The following HS6ST2 variants were observed in gnomAD, a reference collection of about 807,000 sequenced individuals.
The protein encoded by HS6ST2 is heparan sulfate 6-O-sulfotransferase 2, also known as heparan-sulfate 6-O-sulfotransferase 2.
In HS6ST2, 17 loss-of-function variants were observed where a neutral mutation model predicts 33.0. That is an observed-to-expected ratio of 0.52 (90% confidence interval 0.35 to 0.77). HS6ST2 has a LOEUF of 0.77. HS6ST2 is among the 30% of genes least tolerant of loss of function. The pLI is 0.01. For synonymous variants in HS6ST2, 248 were observed against 237.1 expected (o/e 1.05, Z -0.42); for missense variants, 519 against 551.7 (o/e 0.94, Z 0.59).
At chrX:132,753,144 G>A (rs1894563) in intron 2 of HS6ST2, among the ~76,000 whole-genome samples, 55,269 of 110,301 alleles carry the variant, frequency 0.5, 10,285 homozygotes, top group Middle Eastern at 0.57. Context: ...TGTTTCTGTG[G>A]CTTAGGCTTC....
intron 2 of HS6ST2, among the ~76,000 whole-genome samples, chrX:132,938,106 G>A (rs772472069): frequency 4.7e-5 from 5 of 106,087 alleles, no homozygotes; most frequent in South Asian, 4.4e-4. Flanking sequence ...AAGCTTCAGT[G>A]AGCCATGATC....
Position 132,958,309 on chromosome X carries a change from C to A in HS6ST2, c.294G>T (p.Met98Ile). 8.4e-7 allele frequency: 1 copy of A among 1,195,671 alleles called. No individual in the cohort carries two copies. The highest frequency in any genetic ancestry group is 1.1e-6 in the Non-Finnish European group (1 of 892,607). The change falls in exon 1 of 5, where the codon ATG becomes ATT. Residue 98 changes from methionine to isoleucine, a missense_variant. Met to Ile is a conservative substitution (Grantham distance 10). Transcript: ENST00000370833. Reference sequence around the variant, plus strand: ...GGTCCCAGCGTCGCCTGAGGACGTGCATCCGCCTGCGGCGGCCCCGGGACA... The same window carrying A: ...GGTCCCAGCGTCGCCTGAGGACGTGAATCCGCCTGCGGCGGCCCCGGGACA... ...ALLSRGRRRRMHVLRRRWDLG... is the reference protein window; with the variant it reads ...ALLSRGRRRRIHVLRRRWDLG...
intron 2 of HS6ST2, among the ~76,000 whole-genome samples, chrX:132,826,721 T>C (rs1431922608): frequency 2.7e-5 from 3 of 110,671 alleles, no homozygotes; most frequent in African/African-American, 9.8e-5. Flanking sequence ...CACTGATAAT[T>C]AGATGCACTA....
At position 132,628,199 on chromosome X, in the gene HS6ST2, T is replaced by A; in HGVS notation, c.*24A>T. On this transcript the variant is annotated 3_prime_UTR_variant, in exon 5 of 5. Transcript: ENST00000370833. ...CTTTTCAGTGGCGCTTTGGGAGAAG[T>A]ATGTACAGGCCTTTTTGAGCCATTT... 9.5e-7 allele frequency: 1 copy of A among 1,049,123 alleles called. No homozygotes were observed. Among genetic ancestry groups the A allele is most frequent in the Non-Finnish European group, 1.3e-6 (1 of 774,703 alleles). The allele number at this position is 1,049,123 out of a possible 1,213,427, so 86.5% of individuals were successfully genotyped here.
At position 132,958,339 on chromosome X, in the gene HS6ST2, C is replaced by A. The variant is rs777877510; in HGVS notation, c.264G>T (p.Ala88=). ...LAGAACAPLF[A]LLSRGRRRRM... ...GCCTGCGGCGGCCCCGGGACAGCAG[C>A]GCGAAAAGCGGGGCGCACGCGGCTC... The change falls in exon 1 of 5, where the codon GCG becomes GCT. Residue 88 remains alanine, a synonymous_variant. Coordinates refer to ENST00000370833, the MANE Select transcript of HS6ST2 (RefSeq NM_001394073.1). 3 of 1,198,217 alleles carry A rather than the reference C, an allele frequency of 2.5e-6. No individual in the cohort carries two copies. The highest frequency in any genetic ancestry group is 3.4e-6 in the Non-Finnish European group (3 of 893,486).
chrX:132,804,996 G>GTA (rs1340011897), intron 2 of HS6ST2, among the ~76,000 whole-genome samples: 1 of 111,009 alleles, frequency 9.0e-6, no homozygotes, highest in Non-Finnish European at 1.9e-5. Context: ...ATATATACAT[G>GTA]TATATATATA....
intron 2 of HS6ST2, among the ~76,000 whole-genome samples, chrX:132,926,028 G>C (rs1200594439): frequency 8.9e-6 from 1 of 111,853 alleles, no homozygotes; most frequent in African/African-American, 3.3e-5. Flanking sequence ...CCAGATCCTA[G>C]AAAGCTTAAA....
At chrX:132,933,246 T>A (rs1268949397) in intron 2 of HS6ST2, among the ~76,000 whole-genome samples, 1 of 110,230 alleles carries the variant, frequency 9.1e-6, no homozygotes, top group Non-Finnish European at 1.9e-5. Flanking sequence ...GAGAACTGCT[T>A]GAACCCAGGA....
intron 4 of HS6ST2, among the ~76,000 whole-genome samples, chrX:132,645,389 C>A (rs2063632382): frequency 8.9e-6 from 1 of 112,670 alleles, no homozygotes; most frequent in African/African-American, 3.2e-5. Context: ...TTCCTTTCTG[C>A]TCAAAGAAAG....
rs766189934 is a variant in HS6ST2 at position 132,659,188 on chromosome X, G to A, written c.1067+9925C>T. On this transcript the variant is annotated intron_variant, in intron 4 of 4. Coordinates refer to ENST00000370833, the MANE Select transcript of HS6ST2 (RefSeq NM_001394073.1). ...CCAGTGCAAATGCTACTTTAAGCAAGCACTAACAGATGGTGGCCTGAATTT... is the reference window on the plus strand; with the variant it reads ...CCAGTGCAAATGCTACTTTAAGCAAACACTAACAGATGGTGGCCTGAATTT... 1.3e-4 allele frequency among the ~76,000 whole-genome samples: 15 copies of A among 112,379 alleles called. No individual in the cohort carries two copies. The South Asian group carries it at 5.5e-3, about 41-fold the overall frequency.
intron 2 of HS6ST2, among the ~76,000 whole-genome samples, chrX:132,733,205 A>T (rs1425212295): frequency 9.0e-6 from 1 of 111,431 alleles, no homozygotes; most frequent in Non-Finnish European, 1.9e-5. Flanking sequence ...AGTTCCAGAA[A>T]TCTCTTCCTC....
Position 132,749,317 on chromosome X carries a change from A to C in HS6ST2, c.948-40823T>G, listed in dbSNP as rs145036126. Reference sequence around the variant, plus strand: ...AATTAGCCTTGGGCTCAGCCCATAAAATTTTCAGAGCTTGAATTGAAGGGG... The same window carrying C: ...AATTAGCCTTGGGCTCAGCCCATAACATTTTCAGAGCTTGAATTGAAGGGG... On this transcript the variant is annotated intron_variant, in intron 2 of 4. Transcript: ENST00000370833. 8.6e-4 allele frequency among the ~76,000 whole-genome samples: 97 copies of C among 112,810 alleles called. No homozygotes were observed. The East Asian group carries it at 0.017, about 20-fold the overall frequency.
intron 2 of HS6ST2, among the ~76,000 whole-genome samples, chrX:132,893,909 T>G (rs1316456283): frequency 1.8e-5 from 2 of 111,285 alleles, no homozygotes; most frequent in East Asian, 5.6e-4. Context: ...ATCCAGTTTT[T>G]TCCCCACTGC....
chrX:132,807,907 G>T (rs1391155375), intron 2 of HS6ST2, among the ~76,000 whole-genome samples: 2 of 111,848 alleles, frequency 1.8e-5, no homozygotes, highest in Non-Finnish European at 3.8e-5. Flanking sequence ...CAGCAGCAGT[G>T]GTTGGCCATT....
intron 2 of HS6ST2, among the ~76,000 whole-genome samples, chrX:132,713,726 T>A (rs2064251438): frequency 9.0e-6 from 1 of 111,422 alleles, no homozygotes; most frequent in South Asian, 3.9e-4. Context: ...GGAATAGCCT[T>A]TGGCACAACT....
chrX:132,905,124 C>A (rs2066459619), intron 2 of HS6ST2, among the ~76,000 whole-genome samples: 1 of 111,507 alleles, frequency 9.0e-6, no homozygotes, highest in Non-Finnish European at 1.9e-5. Flanking sequence ...TTCCAGATAA[C>A]CAACAAACAC....
intron 2 of HS6ST2, among the ~76,000 whole-genome samples, chrX:132,819,582 C>G (rs1479623615): frequency 5.4e-5 from 6 of 111,560 alleles, no homozygotes; most frequent in Non-Finnish European, 1.1e-4. Context: ...GAGATCCAAC[C>G]TTTCTGAAAT....
chrX:132,648,812 ATAT>A (rs1333697739), intron 4 of HS6ST2, among the ~76,000 whole-genome samples: 5 of 111,658 alleles, frequency 4.5e-5, no homozygotes, highest in Non-Finnish European at 9.4e-5. Context: ...GTCAATGGAG[ATAT>A]TATCCTTGTG....
Position 132,628,945 on chromosome X carries a change from T to G in HS6ST2, c.1216A>C (p.Thr406Pro), listed in dbSNP as rs746820018. ...GGGCAGCCAGACCAGTCATCGCCAG[T>G]GTAGCAGCTGGGCAGCTCTTCGGAG... ...PTSEELPSCY[T>P]GDDWSGCPLK... Residue 406 changes from threonine (T) to proline (P), a missense_variant, in exon 5 of 5, where the codon ACT (threonine) becomes CCT (proline). Coordinates refer to ENST00000370833, the MANE Select transcript of HS6ST2 (RefSeq NM_001394073.1). 8.3e-7 allele frequency: 1 copy of G among 1,211,263 alleles called. No homozygotes were observed. Among genetic ancestry groups the G allele is most frequent in the Non-Finnish European group, 1.1e-6 (1 of 895,260 alleles).
Sources: gnomAD v4.1 joint callset for allele counts (sites outside exome capture counted in the v4.1 genomes callset) on GRCh38, gnomAD v4.1.1 for gene constraint, MANE v1.5 for transcripts, NCBI Gene and HGNC (gene_info 2026-07-23, HGNC 2026-07-21) for gene names.